Variants in MDFIC2 observed in about 807,000 individuals in gnomAD.
MDFIC2 encodes MyoD family inhibitor domain containing 2.
intron 2 of MDFIC2, among the ~76,000 whole-genome samples, chr3:70,256,219 T>C (rs1201238765): frequency 1.3e-5 from 2 of 152,216 alleles, no homozygotes; most frequent in Non-Finnish European, 2.9e-5. Flanking sequence ...TGTAAAGTTT[T>C]TGTTTCTAAT....
At chr3:70,226,134 T>C (rs1190004816) in intron 2 of MDFIC2, among the ~76,000 whole-genome samples, 1 of 152,128 alleles carries the variant, frequency 6.6e-6, no homozygotes, top group Admixed American at 6.6e-5. Flanking sequence ...ACCTAATAGA[T>C]AAATTTGAAG....
chr3:70,299,409 TTTCATA>T (rs1412538094), intron 2 of MDFIC2, among the ~76,000 whole-genome samples: 1 of 152,098 alleles, frequency 6.6e-6, no homozygotes, highest in Non-Finnish European at 1.5e-5. Flanking sequence ...TTTTTTCCAT[TTTCATA>T]TTCTAATTTT....
chr3:70,238,548 G>A (rs567461988), intron 2 of MDFIC2, among the ~76,000 whole-genome samples: 1 of 152,034 alleles, frequency 6.6e-6, no homozygotes, highest in African/African-American at 2.4e-5. Flanking sequence ...GGTGGTGAAG[G>A]CTGCAATGAG....
At chr3:70,262,794 C>T (rs929656205) in intron 2 of MDFIC2, among the ~76,000 whole-genome samples, 6 of 152,100 alleles carry the variant, frequency 3.9e-5, no homozygotes, top group African/African-American at 1.2e-4. Flanking sequence ...AAATATTTTT[C>T]CATGTTCCAT....
At chr3:70,298,648 A>G (rs1038028517) in intron 2 of MDFIC2, among the ~76,000 whole-genome samples, 2 of 152,240 alleles carry the variant, frequency 1.3e-5, no homozygotes, top group Admixed American at 6.5e-5. Context: ...AGGGAATCCA[A>G]CTGAATGAGT....
chr3:70,232,843 G>T (rs916920786), intron 2 of MDFIC2, among the ~76,000 whole-genome samples: 1 of 152,072 alleles, frequency 6.6e-6, no homozygotes. Context: ...CCTTTGTACA[G>T]AAAGAAGGAA....
chr3:70,259,092 C>T (rs1217177062), intron 2 of MDFIC2, among the ~76,000 whole-genome samples: 2 of 152,250 alleles, frequency 1.3e-5, no homozygotes, highest in Middle Eastern at 3.4e-3. Flanking sequence ...TTATACGGTA[C>T]CTCCTGCTAG....
chr3:70,252,180 C>T (rs1007720947), intron 2 of MDFIC2, among the ~76,000 whole-genome samples: 1 of 152,158 alleles, frequency 6.6e-6, no homozygotes. Flanking sequence ...ATGTCCTGAA[C>T]CTGTTACTTG....
At chr3:70,247,918 G>A (rs1159045824) in intron 2 of MDFIC2, among the ~76,000 whole-genome samples, 1 of 152,046 alleles carries the variant, frequency 6.6e-6, no homozygotes, top group African/African-American at 2.4e-5. Context: ...GTAAAGAGAT[G>A]TGTATTCTTT....
At chr3:70,277,407 T>C (rs1236406819) in intron 2 of MDFIC2, among the ~76,000 whole-genome samples, 1 of 152,210 alleles carries the variant, frequency 6.6e-6, no homozygotes, top group Non-Finnish European at 1.5e-5. Flanking sequence ...TGATTATTTG[T>C]CAAAGTCACA....
At chr3:70,259,027 C>T (rs1051131947) in intron 2 of MDFIC2, among the ~76,000 whole-genome samples, 1 of 152,006 alleles carries the variant, frequency 6.6e-6, no homozygotes, top group Non-Finnish European at 1.5e-5. Flanking sequence ...CAAGTTAGTG[C>T]TAATTAGAGA....
intron 2 of MDFIC2, among the ~76,000 whole-genome samples, chr3:70,239,128 T>C (rs1172451487): frequency 6.6e-6 from 1 of 152,188 alleles, no homozygotes; most frequent in Admixed American, 6.5e-5. Context: ...AACTGGTCTT[T>C]CATCAGTTCT....
At position 70,196,018 on chromosome 3, in the gene MDFIC2, T is replaced by C. The variant is rs1303151035; in HGVS notation, c.*908A>G. Among the ~76,000 whole-genome samples the C allele has an allele frequency of 1.3e-5, 2 of 152,196 alleles. No individual in the cohort carries two copies. The highest frequency in any genetic ancestry group is 4.8e-5 in the African/African-American group (2 of 41,460). ...ATTAAGAAGCTTGGTGCTGAATAAG[T>C]ACCCTCAACGCTTATTTCTTTCTGG... is the stretch of plus-strand genomic sequence containing the variant. On this transcript the variant is annotated 3_prime_UTR_variant, in exon 4 of 4. Coordinates refer to ENST00000567252, the MANE Select transcript of MDFIC2 (RefSeq NM_001364677.1).
chr3:70,306,184 A>G (rs1435727165), intron 2 of MDFIC2, among the ~76,000 whole-genome samples: 9 of 151,936 alleles, frequency 5.9e-5, no homozygotes. Context: ...GCTCACTGCA[A>G]CCTCCGCCTC....
intron 2 of MDFIC2, among the ~76,000 whole-genome samples, chr3:70,306,769 G>A (rs1702404995): frequency 6.6e-6 from 1 of 152,026 alleles, no homozygotes; most frequent in South Asian, 2.1e-4. Flanking sequence ...TGAATAAAAT[G>A]TCCCACTAAA....
intron 3 of MDFIC2, among the ~76,000 whole-genome samples, chr3:70,199,551 T>C (rs528027273): frequency 4.7e-4 from 72 of 152,266 alleles, no homozygotes; most frequent in African/African-American, 1.6e-3. Context: ...GTAACATTAA[T>C]GAATTGAAAA....
chr3:70,203,351 A>T, intron 3 of MDFIC2, among the ~76,000 whole-genome samples: 1 of 152,170 alleles, frequency 6.6e-6, no homozygotes, highest in East Asian at 1.9e-4. Context: ...TGAGTTCTTT[A>T]AAAAATGTCT....
chr3:70,198,752 T>C (rs763088137), intron 3 of MDFIC2, among the ~76,000 whole-genome samples: 2 of 152,172 alleles, frequency 1.3e-5, no homozygotes, highest in Non-Finnish European at 2.9e-5. Flanking sequence ...TATTCCACAA[T>C]ACCTCTACTG....
At chr3:70,243,406 G>A (rs1243189952) in intron 2 of MDFIC2, among the ~76,000 whole-genome samples, 1 of 152,186 alleles carries the variant, frequency 6.6e-6, no homozygotes, top group African/African-American at 2.4e-5. Flanking sequence ...AGGCCAGTGT[G>A]AAATTCTGTG....
Sources: allele counts gnomAD v4.1 joint callset (sites outside exome capture counted in the v4.1 genomes callset), GRCh38; gene constraint gnomAD v4.1.1; transcripts MANE v1.5; gene names NCBI Gene and HGNC (gene_info 2026-07-23, HGNC 2026-07-21).